Variants in PRKCE observed in about 807,000 individuals in gnomAD.
PRKCE encodes the protein protein kinase C epsilon type.
PRKCE carries 16 observed loss-of-function variants against 85.4 expected under a neutral mutation model. That is an observed-to-expected ratio of 0.19 (90% CI 0.13 to 0.28). PRKCE has a LOEUF of 0.28. Among genes scored for constraint, PRKCE ranks in the 10% least tolerant of loss-of-function variants. The pLI, the probability that PRKCE is intolerant of heterozygous loss-of-function variation, is 1.00. For synonymous variants in PRKCE, 388 were observed against 371.5 expected (o/e 1.04, Z -0.51); for missense variants, 573 against 975.2 (o/e 0.59, Z 5.49).
chr2:45,852,598 C>A (rs1472098051), intron 2 of PRKCE, among the ~76,000 whole-genome samples: 2 of 152,194 alleles, frequency 1.3e-5, no homozygotes, highest in African/African-American at 4.8e-5. Flanking sequence ...TACTTGGGTC[C>A]CACTGGCCTG....
At chr2:45,858,204 C>G (rs111474824) in intron 2 of PRKCE, among the ~76,000 whole-genome samples, 1 of 152,164 alleles carries the variant, frequency 6.6e-6, no homozygotes, top group African/African-American at 2.4e-5. Flanking sequence ...CTTCTAGCCG[C>G]GACACTACCA....
At position 45,652,244 on chromosome 2, in the gene PRKCE, C is replaced by G; in HGVS notation, c.144C>G (p.Asp48Glu). ...LDPYIALNVD[D>E]SRIGQTATKQ... ...CCTACATTGCCCTCAATGTGGACGA[C>G]TCGCGCATCGGCCAAACGGCCACCA... Residue 48 changes from aspartate to glutamate, a missense_variant, in exon 1 of 15, where the codon GAC (aspartate) becomes GAG (glutamate). Transcript: ENST00000306156. This position sits in a 1 kb window ranked among gnomAD's most constrained non-coding sequence, Gnocchi z 7.7. The G allele has an allele frequency of 6.2e-7, 1 of 1,613,426 alleles. No individual in the cohort carries two copies. The highest frequency in any genetic ancestry group is 8.5e-7 in the Non-Finnish European group (1 of 1,180,012).
At chr2:45,968,199 T>G (rs55870111) in intron 2 of PRKCE, among the ~76,000 whole-genome samples, 1,806 of 152,212 alleles carry the variant, frequency 0.012, 40 homozygotes, top group African/African-American at 0.04. Flanking sequence ...TGCAAAGATA[T>G]GGAATCAATC....
chr2:45,678,735 G>C (rs886147529), intron 1 of PRKCE, among the ~76,000 whole-genome samples: 2 of 151,968 alleles, frequency 1.3e-5, no homozygotes, highest in Admixed American at 1.3e-4. Context: ...AGCCTCGATG[G>C]ACTCTGATTT....
intron 11 of PRKCE, among the ~76,000 whole-genome samples, chr2:46,128,370 C>G (rs972918637): frequency 6.6e-6 from 1 of 152,212 alleles, no homozygotes; most frequent in Non-Finnish European, 1.5e-5. Context: ...ATTTGTTAAG[C>G]ACCCACTCTG....
At chr2:45,736,756 A>G (rs1682097798) in intron 1 of PRKCE, among the ~76,000 whole-genome samples, 1 of 152,200 alleles carries the variant, frequency 6.6e-6, no homozygotes, top group Non-Finnish European at 1.5e-5. Flanking sequence ...AGCATCCTCC[A>G]GTAGATGTGA....
chr2:45,959,415 C>T (rs539349809), intron 2 of PRKCE, among the ~76,000 whole-genome samples: 17 of 152,298 alleles, frequency 1.1e-4, no homozygotes, highest in African/African-American at 3.9e-4. Context: ...GAGAGTTGAA[C>T]CTTTTACTTC....
chr2:45,868,689 T>C (rs1693825320), intron 2 of PRKCE, among the ~76,000 whole-genome samples: 1 of 146,678 alleles, frequency 6.8e-6, no homozygotes, highest in Non-Finnish European at 1.5e-5. Context: ...TTCCAGCACT[T>C]TGGGAGGCAG....
intron 2 of PRKCE, among the ~76,000 whole-genome samples, chr2:45,976,228 C>T (rs1016847405): frequency 3.9e-5 from 6 of 152,182 alleles, no homozygotes; most frequent in Non-Finnish European, 8.8e-5. Flanking sequence ...ACACTCTGGG[C>T]CTTTCCACCC....
At chr2:45,979,350 G>T (rs1158580666) in intron 4 of PRKCE, among the ~76,000 whole-genome samples, 1 of 152,118 alleles carries the variant, frequency 6.6e-6, no homozygotes, top group African/African-American at 2.4e-5. Flanking sequence ...GTCCTGAACT[G>T]GGTCTGTGTA....
chr2:45,731,059 T>C (rs769699614), intron 1 of PRKCE, among the ~76,000 whole-genome samples: 11 of 152,210 alleles, frequency 7.2e-5, no homozygotes, highest in Non-Finnish European at 1.5e-4. Context: ...GGAGCCTGGG[T>C]GTTCTCTAAC....
intron 1 of PRKCE, among the ~76,000 whole-genome samples, chr2:45,722,265 G>A (rs1387824018): frequency 1.3e-5 from 2 of 151,746 alleles, no homozygotes; most frequent in Non-Finnish European, 2.9e-5. Context: ...TAAGTTCTAG[G>A]GTCCATGTGC....
At chr2:45,883,435 G>A (rs13431763) in intron 2 of PRKCE, among the ~76,000 whole-genome samples, 28,603 of 152,082 alleles carry the variant, frequency 0.19, 3,452 homozygotes, top group East Asian at 0.42. Flanking sequence ...AATGGCCTTC[G>A]GGAGCCAACC....
At chr2:45,870,707 AG>A (rs1364475092) in intron 2 of PRKCE, among the ~76,000 whole-genome samples, 1 of 152,168 alleles carries the variant, frequency 6.6e-6, no homozygotes, top group African/African-American at 2.4e-5. Flanking sequence ...GTTCAAATCC[AG>A]TTTCTATCGG....
At chr2:46,118,865 G>A (rs893115992) in intron 11 of PRKCE, among the ~76,000 whole-genome samples, 4 of 152,212 alleles carry the variant, frequency 2.6e-5, no homozygotes, top group African/African-American at 9.6e-5. Flanking sequence ...GAGCCTCCAA[G>A]AAAGCAGAGA....
chr2:46,143,444 T>A (rs953933878), intron 11 of PRKCE, among the ~76,000 whole-genome samples: 5 of 152,118 alleles, frequency 3.3e-5, no homozygotes, highest in African/African-American at 1.2e-4. Flanking sequence ...ACTTGGTTCC[T>A]TCATGAAGAA....
intron 2 of PRKCE, among the ~76,000 whole-genome samples, chr2:45,917,861 C>T (rs956263411): frequency 1.3e-5 from 2 of 152,150 alleles, no homozygotes; most frequent in Non-Finnish European, 2.9e-5. Flanking sequence ...GCGCAGCGCC[C>T]GTGGGCCGGC....
Position 45,888,465 on chromosome 2 carries a change from C to CTTTTTTTT in PRKCE, c.412+45419_412+45426dup, listed in dbSNP as rs34871432. Reference sequence around the variant, plus strand: ...TGCAGAAGTAGTATTTCCCAACAGTCTTTTTTTTTTTTTTTTTTTTTTTTG... The same window carrying CTTTTTTTT: ...TGCAGAAGTAGTATTTCCCAACAGTCTTTTTTTTTTTTTTTTTTTTTTTTTTTTTTTTG... On this transcript the variant is annotated intron_variant, in intron 2 of 14. Coordinates refer to ENST00000306156, the MANE Select transcript of PRKCE (RefSeq NM_005400.3). 1.5e-3 allele frequency among the ~76,000 whole-genome samples: 110 copies of CTTTTTTTT among 74,738 alleles called. 1 individual carries two copies. Among genetic ancestry groups the CTTTTTTTT allele is most frequent in the East Asian group, 3.1e-3 (6 of 1,926 alleles). The allele number at this position is 74,738 out of a possible 152,430, so 49.0% of individuals were successfully genotyped here.
At chr2:45,941,460 C>T (rs141451782) in intron 2 of PRKCE, among the ~76,000 whole-genome samples, 4 of 152,300 alleles carry the variant, frequency 2.6e-5, no homozygotes, top group Non-Finnish European at 5.9e-5. Context: ...GGAGATCATA[C>T]AGACCTACAT....
Sources: gnomAD v4.1 joint callset for allele counts (sites outside exome capture counted in the v4.1 genomes callset) on GRCh38, gnomAD v4.1.1 for gene constraint, Gnocchi (gnomAD v3.1) non-coding constraint, MANE v1.5 for transcripts, NCBI Gene and HGNC (gene_info 2026-07-23, HGNC 2026-07-21) for gene names.